The following UTRN variants were observed in gnomAD, a reference collection of about 807,000 sequenced individuals.
The protein encoded by UTRN is dystrophin-related protein 1.
In UTRN, 283 loss-of-function variants were observed where a neutral mutation model predicts 463.9. The observed-to-expected ratio is 0.61, with a 90% CI of 0.55 to 0.67. The LOEUF is 0.67. UTRN is among the 30% of genes least tolerant of loss of function. The pLI is 0.00. For missense variants in UTRN, 3,922 were observed against 4,084.3 expected (o/e 0.96, Z 1.08); for synonymous variants, 1,442 against 1,431.5 (o/e 1.01, Z -0.17).
rs1787037702 is a variant in UTRN at position 144,440,470 on chromosome 6, A to C, written c.1511A>C (p.Gln504Pro). 2 of 1,614,052 alleles carry C rather than the reference A, an allele frequency of 1.2e-6. No individual in the cohort carries two copies. Among genetic ancestry groups the C allele is most frequent in the Non-Finnish European group, 1.7e-6 (2 of 1,180,014 alleles). ...ACAGCTATCCTAGAAGACCAGTTAC[A>C]GGTAAGAGTGCTGTAAAGTTGGATA... ...SATAILEDQL[Q>P]KLGERWTAVC... Residue 504 changes from glutamine to proline, a missense_variant and splice_region_variant, in exon 13 of 75, where the codon CAG (glutamine) becomes CCG (proline). Physicochemically the swap from Gln to Pro is moderately conservative, Grantham distance 76. Transcript: ENST00000367545.
chr6:144,371,955 G>A (rs1219276657), intron 2 of UTRN, among the ~76,000 whole-genome samples: 1 of 152,188 alleles, frequency 6.6e-6, no homozygotes, highest in Admixed American at 6.5e-5. Context: ...AATACCATTT[G>A]TATTCTGAAT....
In UTRN at chr6:144,550,977, G is replaced by T; in HGVS notation, c.6823G>T (p.Asp2275Tyr). ...TVSRMKITKA[D>Y]LEQRHPQLDY... ...TTCTACTTAACAGATTACAAAGGCT[G>T]ACTTAGAACAGCGCCATCCTCAGCT... The change falls in exon 48 of 75, where the codon GAC (aspartate) becomes TAC (tyrosine). Residue 2275 changes from aspartate to tyrosine, a missense_variant. Around this residue, in one of 3 missense-constraint regions of UTRN, gnomAD observed 1,309 missense variants for 1,452.6 expected, o/e 0.90. Transcript: ENST00000367545. 1 of 1,601,404 alleles carries T rather than the reference G, an allele frequency of 6.2e-7. No homozygotes were observed. The highest frequency in any genetic ancestry group is 1.1e-5 in the South Asian group (1 of 88,286).
At chr6:144,344,441 C>A in intron 2 of UTRN, 1 of 1,011,408 alleles carries the variant, frequency 9.9e-7, no homozygotes, top group Non-Finnish European at 1.3e-6. Flanking sequence ...GACAGCCTGT[C>A]TTTCCTGCTG....
At position 144,438,859 on chromosome 6, in the gene UTRN, T is replaced by C. The variant is rs146583538; in HGVS notation, c.1356T>C (p.Asp452=). The change falls in exon 12 of 75, where the codon GAT becomes GAC. Residue 452 remains aspartate (D), a synonymous_variant. Transcript: ENST00000367545. ...TGGAAACTTGCCCCCTGGATGATGATGTAAAATCTCTACAAAAGCTGCTAG... is the reference window on the plus strand; with the variant it reads ...TGGAAACTTGCCCCCTGGATGATGACGTAAAATCTCTACAAAAGCTGCTAG... ...QKMETCPLDD[D]VKSLQKLLEE... is the part of the protein sequence containing the mutation. The C allele has an allele frequency of 5.7e-5, 92 of 1,614,196 alleles. No individual in the cohort carries two copies. In the African/African-American group the frequency reaches 1.1e-3, roughly 20 times the overall value.
chr6:144,665,974 A>C (rs1309959261), intron 51 of UTRN, among the ~76,000 whole-genome samples: 1 of 152,180 alleles, frequency 6.6e-6, no homozygotes, highest in African/African-American at 2.4e-5. Context: ...TGCTTGGAAG[A>C]GCATTGCTTT....
rs568850297 is a variant in UTRN, at chr6:144,576,546, T to C, written c.7290-553T>C. ...ATATAAAATCAGCTGCTTCAATTAT[T>C]TTTATTTTGTCTTAAATATTTCTTC... is the stretch of plus-strand genomic sequence containing the variant. On this transcript the variant is annotated intron_variant, in intron 50 of 74. Transcript: ENST00000367545. Among the ~76,000 whole-genome samples, 7 of 152,302 alleles carry C rather than the reference T, an allele frequency of 4.6e-5. No homozygotes were observed. In the East Asian group the frequency reaches 1.4e-3, roughly 29 times the overall value.
chr6:144,312,476 C>T (rs189117967), intron 2 of UTRN, among the ~76,000 whole-genome samples: 62 of 151,666 alleles, frequency 4.1e-4, no homozygotes, highest in Middle Eastern at 3.5e-3. Context: ...AAATGTAAGC[C>T]GTTACCTCCA....
chr6:144,567,763 T>C (rs1562584986), intron 50 of UTRN, among the ~76,000 whole-genome samples: 1 of 152,194 alleles, frequency 6.6e-6, no homozygotes, highest in African/African-American at 2.4e-5. Context: ...ATTATATTAA[T>C]GTAAAGGTCA....
intron 2 of UTRN, among the ~76,000 whole-genome samples, chr6:144,293,092 T>C (rs1303274884): frequency 6.6e-6 from 1 of 152,226 alleles, no homozygotes; most frequent in Non-Finnish European, 1.5e-5. Context: ...TGTAAAATTC[T>C]TTTTGTTTTA....
rs577012338 is a variant in UTRN, at chr6:144,525,686, C to T, written c.5906+2498C>T. 1.1e-4 allele frequency among the ~76,000 whole-genome samples: 16 copies of T among 150,248 alleles called. No individual in the cohort carries two copies. In the East Asian group the frequency reaches 3.1e-3, roughly 29 times the overall value. ...TTATTTGTTTCATTTTCATTTAGCT[C>T]TGCTCTGATCTTGGTTATTTTTTTT... is the stretch of plus-strand genomic sequence containing the variant. On this transcript the variant is annotated intron_variant, in intron 41 of 74. Transcript: ENST00000367545.
In UTRN at chr6:144,771,988, A is replaced by G. The variant is rs763807414; in HGVS notation, c.8557+20A>G. ...CCCTTGGTAAGTGTTATTAATAGTA[A>G]TAAATTAACCTAAACAACTGAGAAC... On this transcript the variant is annotated intron_variant, in intron 59 of 74. Coordinates refer to ENST00000367545, the MANE Select transcript of UTRN (RefSeq NM_007124.3). The G allele has an allele frequency of 2.0e-5, 26 of 1,310,048 alleles. No individual in the cohort carries two copies. The Admixed American group carries it at 2.6e-4, about 13-fold the overall frequency. The allele number at this position is 1,310,048 out of a possible 1,614,324, so 81.2% of individuals were successfully genotyped here. A position where few individuals can be genotyped will look rare whatever the true frequency, so the allele number is the denominator to read the frequency against.
At chr6:144,656,953 G>A (rs1368039914) in intron 51 of UTRN, among the ~76,000 whole-genome samples, 2 of 152,016 alleles carry the variant, frequency 1.3e-5, no homozygotes, top group Non-Finnish European at 2.9e-5. Context: ...CTCTTTCTTC[G>A]AAAGAAGCTG....
At chr6:144,516,697 A>G (rs1795642546) in intron 38 of UTRN, 114 bp from the exon 39 acceptor site, 4 of 834,708 alleles carry the variant, frequency 4.8e-6, no homozygotes, top group Non-Finnish European at 5.0e-6. Context: ...TCAGGTTAAC[A>G]TATCTTGACG....
rs775234532 is a variant in UTRN at position 144,435,969 on chromosome 6, G to A, written c.890G>A (p.Arg297Gln). Residue 297 changes from arginine (R) to glutamine (Q), a missense_variant, in exon 10 of 75, where the codon CGA becomes CAA. Coordinates refer to ENST00000367545, the MANE Select transcript of UTRN (RefSeq NM_007124.3). The stretch of plus-strand genomic sequence containing the variant: ...CCTGAGGAGGAGCATGAGAGTCCCC[G>A]AGCTGAAACTCCCAGCACTGTCACT... Reference protein sequence around the residue: ...TAPEEEHESPRAETPSTVTEV... With the variant: ...TAPEEEHESPQAETPSTVTEV... 4.3e-6 allele frequency: 7 copies of A among 1,613,976 alleles called. No individual in the cohort carries two copies. Among genetic ancestry groups the A allele is most frequent in the Admixed American group, 1.7e-5 (1 of 59,998 alleles).
intron 51 of UTRN, among the ~76,000 whole-genome samples, chr6:144,621,529 G>T (rs79059249): frequency 3.3e-5 from 5 of 152,032 alleles, no homozygotes; most frequent in African/African-American, 1.2e-4. Flanking sequence ...CACTTATCTC[G>T]CTATGATGCA....
intron 2 of UTRN, among the ~76,000 whole-genome samples, chr6:144,379,351 A>G (rs1780717653): frequency 6.6e-6 from 1 of 152,144 alleles, no homozygotes; most frequent in Non-Finnish European, 1.5e-5. Flanking sequence ...TGCACTCAAG[A>G]TGCTGGCCAG....
At chr6:144,325,386 G>A (rs545593770) in intron 2 of UTRN, among the ~76,000 whole-genome samples, 1 of 152,184 alleles carries the variant, frequency 6.6e-6, no homozygotes, top group African/African-American at 2.4e-5. Flanking sequence ...TGCTGTCAGT[G>A]TATCCTGCCC....
chr6:144,690,074 G>GTTTTTTTTTTTTTGTT (rs1783178930), intron 52 of UTRN, among the ~76,000 whole-genome samples: 1 of 31,280 alleles, frequency 3.2e-5, no homozygotes, highest in Non-Finnish European at 5.0e-5. Flanking sequence ...AAAAGTTTCT[G>GTTTTTTTTTTTTTGTT]TTTTTTTTTT....
intron 53 of UTRN, among the ~76,000 whole-genome samples, chr6:144,722,519 A>G (rs13208243): frequency 0.097 from 14,758 of 152,156 alleles, 1,140 homozygotes; most frequent in East Asian, 0.46. Context: ...AAGATAAAGT[A>G]CATTTTTCCA....
Sources: allele counts gnomAD v4.1 joint callset (sites outside exome capture counted in the v4.1 genomes callset), GRCh38; gene constraint gnomAD v4.1.1; regional missense constraint gnomAD v4.1.1; transcripts MANE v1.5; gene names NCBI Gene and HGNC (gene_info 2026-07-23, HGNC 2026-07-21).